Variants in SORL1 observed in about 807,000 individuals in gnomAD.
SORL1 encodes the protein sortilin related receptor 1.
A neutral mutation model predicts 273.7 loss-of-function variants in SORL1; 127 were observed. The observed-to-expected ratio is 0.46, with a 90% CI of 0.40 to 0.54. SORL1 has a LOEUF of 0.54. Ranked by LOEUF, SORL1 falls within the 20% of genes least tolerant of loss-of-function variation. The pLI, the probability that SORL1 is intolerant of heterozygous loss-of-function variation, is 0.00. For synonymous variants in SORL1, 1,031 were observed against 1,067.4 expected, an observed-to-expected ratio of 0.97 and a Z score of 0.66; for missense variants, 2,494 against 2,846.1, an observed-to-expected ratio of 0.88 and a Z score of 2.81.
intron 3 of SORL1, among the ~76,000 whole-genome samples, chr11:121,481,157 C>T (rs376332907): frequency 2.3e-5 from 3 of 128,782 alleles, no homozygotes; most frequent in South Asian, 2.5e-4. Context: ...CAGCTTCTTC[C>T]GTAGTGCACA....
intron 23 of SORL1, 125 bp downstream of exon 23, chr11:121,570,395 G>A (rs535531324): frequency 1.6e-6 from 1 of 613,868 alleles, no homozygotes; most frequent in South Asian, 2.3e-5. Flanking sequence ...CATCTAAGTT[G>A]ATGGGGCTTA....
intron 41 of SORL1, among the ~76,000 whole-genome samples, chr11:121,617,559 G>T (rs1322262225): frequency 1.3e-5 from 2 of 152,152 alleles, no homozygotes; most frequent in African/African-American, 2.4e-5. Context: ...CTGTTGCCTG[G>T]GACTTGGAAA....
intron 8 of SORL1, among the ~76,000 whole-genome samples, chr11:121,514,668 A>C (rs1861925379): frequency 6.6e-6 from 1 of 152,166 alleles, no homozygotes. Flanking sequence ...GAAAAACAGC[A>C]CTTGGTAAAT....
chr11:121,597,414 T>C (rs1277848337), intron 32 of SORL1, among the ~76,000 whole-genome samples: 1 of 152,100 alleles, frequency 6.6e-6, no homozygotes, highest in African/African-American at 2.4e-5. Flanking sequence ...TGGCAGGCAT[T>C]GATCAGGTTT....
At position 121,513,057 on chromosome 11, in the gene SORL1, C is replaced by T. The variant is rs772110877; in HGVS notation, c.994C>T (p.Arg332Trp). 19 of 1,613,964 alleles carry T rather than the reference C, an allele frequency of 1.2e-5. No homozygotes were observed. Among genetic ancestry groups the T allele is most frequent in the Admixed American group, 6.7e-5 (4 of 59,990 alleles). Residue 332 changes from arginine (R) to tryptophan (W), a missense_variant, in exon 7 of 48, where the codon CGG (arginine) becomes TGG (tryptophan). Around this residue, in one of 3 missense-constraint regions of SORL1, gnomAD observed 710 missense variants for 882.5 expected, o/e 0.80. Coordinates refer to ENST00000260197, the MANE Select transcript of SORL1 (RefSeq NM_003105.6). Reference protein sequence around the residue: ...SSVQLWVSFGRKPMRAAQFVT... With the variant: ...SSVQLWVSFGWKPMRAAQFVT... ...TGTCCAGCTCTGGGTCTCCTTTGGC[C>T]GGAAGCCCATGAGAGCAGCCCAGTT...
intron 5 of SORL1, among the ~76,000 whole-genome samples, chr11:121,494,641 A>C (rs917131484): frequency 6.6e-6 from 1 of 152,226 alleles, no homozygotes; most frequent in Non-Finnish European, 1.5e-5. Context: ...AAGTGATTGC[A>C]AAGTATGAGA....
intron 12 of SORL1, among the ~76,000 whole-genome samples, chr11:121,540,786 C>T (rs930706026): frequency 6.6e-6 from 1 of 152,150 alleles, no homozygotes; most frequent in African/African-American, 2.4e-5. Context: ...TTGTCAGAGT[C>T]CTCTGGGAAC....
intron 3 of SORL1, among the ~76,000 whole-genome samples, chr11:121,480,117 C>T (rs1439204793): frequency 6.6e-6 from 1 of 152,094 alleles, no homozygotes; most frequent in Non-Finnish European, 1.5e-5. Context: ...CGCCCCGCCT[C>T]TCAAGAATCA....
At chr11:121,545,483 T>A in intron 14 of SORL1, 54 bp downstream of exon 14, 1 of 1,536,932 alleles carries the variant, frequency 6.5e-7, no homozygotes, top group South Asian at 1.1e-5. Flanking sequence ...CACTCAGCAG[T>A]GTTGGGGGAA....
intron 5 of SORL1, among the ~76,000 whole-genome samples, chr11:121,492,088 C>T (rs571568685): frequency 2.2e-4 from 34 of 152,246 alleles, no homozygotes; most frequent in African/African-American, 3.4e-4. Context: ...TGGCCAAGTG[C>T]GGTGGCTCAT....
intron 26 of SORL1, 111 bp from the exon 27 acceptor site, chr11:121,586,111 C>A: frequency 1.3e-6 from 1 of 796,612 alleles, no homozygotes; most frequent in Non-Finnish European, 2.2e-6. Flanking sequence ...TAGTTACAGC[C>A]AAATTGCCCT....
rs772602056 is a variant in SORL1, at chr11:121,555,357, G to A, written c.2571+39G>A. Reference sequence around the variant, plus strand: ...CGTGCTGTTCTTAATTAAGGGAGCAGGCGGGGCACCTGGGCTTTGAGCCAC... The same window carrying A: ...CGTGCTGTTCTTAATTAAGGGAGCAAGCGGGGCACCTGGGCTTTGAGCCAC... On this transcript the variant is annotated intron_variant, in intron 18 of 47. Coordinates refer to ENST00000260197, the MANE Select transcript of SORL1 (RefSeq NM_003105.6). 472 of 1,608,008 alleles carry A rather than the reference G, an allele frequency of 2.9e-4. 1 individual carries two copies. Among genetic ancestry groups the A allele is most frequent in the Non-Finnish European group, 1.2e-4 (141 of 1,176,060 alleles).
Position 121,541,840 on chromosome 11 carries a change from G to A in SORL1, c.1686-1708G>A, listed in dbSNP as rs183831257. On this transcript the variant is annotated intron_variant, in intron 12 of 47. Coordinates refer to ENST00000260197, the MANE Select transcript of SORL1 (RefSeq NM_003105.6). The stretch of plus-strand genomic sequence containing the variant: ...CGACACCAAAGATAATGTAAAATCA[G>A]TGCAGTTACTCAAATGCTGCTTAGT... Among the ~76,000 whole-genome samples the A allele has an allele frequency of 3.6e-3, 549 of 152,282 alleles. 1 individual carries two copies. Among genetic ancestry groups the A allele is most frequent in the African/African-American group, 0.012 (480 of 41,538 alleles).
At chr11:121,531,182 T>C (rs1251573714) in intron 11 of SORL1, among the ~76,000 whole-genome samples, 2 of 152,072 alleles carry the variant, frequency 1.3e-5, no homozygotes, top group Non-Finnish European at 2.9e-5. Flanking sequence ...GCACTTGAGG[T>C]CAGGAGCTCG....
chr11:121,503,070 A>G (rs527343193), intron 6 of SORL1, among the ~76,000 whole-genome samples: 9 of 151,950 alleles, frequency 5.9e-5, no homozygotes, highest in Non-Finnish European at 1.3e-4. Context: ...GGGTTTCATC[A>G]TGTTGCCCAG....
intron 5 of SORL1, among the ~76,000 whole-genome samples, chr11:121,491,319 A>C (rs1861549642): frequency 6.6e-6 from 1 of 152,216 alleles, no homozygotes; most frequent in Non-Finnish European, 1.5e-5. Flanking sequence ...TACTTCTAGA[A>C]GTAAATAGTA....
chr11:121,474,109 C>A (rs979805761), intron 2 of SORL1, among the ~76,000 whole-genome samples: 5 of 152,164 alleles, frequency 3.3e-5, no homozygotes, highest in Non-Finnish European at 7.4e-5. Context: ...CCGGATGTGC[C>A]ATTCATTAGC....
chr11:121,595,575 C>T lies in SORL1; in HGVS notation c.4370-48C>T, dbSNP rs973982977. 1.3e-5 allele frequency: 19 copies of T among 1,504,064 alleles called. No homozygotes were observed. Among genetic ancestry groups the T allele is most frequent in the Non-Finnish European group, 1.7e-5 (19 of 1,113,010 alleles). 93.2% of individuals were successfully genotyped at this position (1,504,064 alleles called of 1,614,324 possible). A position where few individuals can be genotyped will look rare whatever the true frequency, so the allele number is the denominator to read the frequency against. On this transcript the variant is annotated intron_variant, in intron 31 of 47. Transcript: ENST00000260197. This position sits in a 1 kb window ranked among gnomAD's most constrained non-coding sequence, Gnocchi z 5.1. ...ATATTGATTGGTTGCTGTTATTGGC[C>T]AGCTCCCTCAATATTAAAAAGTAAA... is the stretch of plus-strand genomic sequence containing the variant.
At chr11:121,486,642 G>A (rs931578599) in intron 3 of SORL1, among the ~76,000 whole-genome samples, 8 of 151,958 alleles carry the variant, frequency 5.3e-5, no homozygotes, top group Admixed American at 3.9e-4. Context: ...ACCATGCCCG[G>A]CTAATTTTTC....
Sources: gnomAD v4.1 joint callset for allele counts (sites outside exome capture counted in the v4.1 genomes callset) on GRCh38, gnomAD v4.1.1 for gene constraint, gnomAD v4.1.1 regional missense constraint, Gnocchi (gnomAD v3.1) non-coding constraint, MANE v1.5 for transcripts, NCBI Gene and HGNC (gene_info 2026-07-23, HGNC 2026-07-21) for gene names.